The following EFHD1 variants were observed in gnomAD, a reference collection of about 807,000 sequenced individuals.
EFHD1 encodes the protein EF-hand domain-containing protein D1.
Under a neutral mutation model 17.2 loss-of-function variants are expected in EFHD1, and 10 were observed. The ratio of observed to expected loss-of-function variants is 0.58; its 90% confidence interval spans 0.36 to 0.99. The LOEUF is 0.99. Among genes scored for constraint, EFHD1 ranks in the 50% least tolerant of loss-of-function variants. The pLI is 0.01. For missense variants in EFHD1, 310 were observed against 327.5 expected, an observed-to-expected ratio of 0.95 and a Z score of 0.41; for synonymous variants, 153 against 142.0, an observed-to-expected ratio of 1.08 and a Z score of -0.55.
At chr2:232,619,891 G>A (rs929961392) in intron 1 of EFHD1, among the ~76,000 whole-genome samples, 11 of 151,892 alleles carry the variant, frequency 7.2e-5, no homozygotes, top group African/African-American at 2.7e-4. Flanking sequence ...GCAACAGGGC[G>A]AGATCCCTGA....
At chr2:232,651,693 G>A (rs760062574) in intron 1 of EFHD1, among the ~76,000 whole-genome samples, 1 of 152,160 alleles carries the variant, frequency 6.6e-6, no homozygotes, top group Non-Finnish European at 1.5e-5. Flanking sequence ...GTGGTGGCAG[G>A]GTCCTGTAGT....
intron 1 of EFHD1, among the ~76,000 whole-genome samples, chr2:232,658,382 C>G (rs938715606): frequency 9.3e-6 from 1 of 107,200 alleles, no homozygotes; most frequent in Non-Finnish European, 2.0e-5. Flanking sequence ...CTTCTCTTCC[C>G]CATAAGAGCC....
intron 1 of EFHD1, chr2:232,650,271 T>C (rs1694619081): frequency 6.6e-6 from 1 of 151,330 alleles, no homozygotes; most frequent in Admixed American, 6.6e-5. Context: ...GGGTAGTTTT[T>C]CTTTACTGTT....
Position 232,682,474 on chromosome 2 carries a change from G to A in EFHD1, c.*755G>A, listed in dbSNP as rs1417636566. ...AGTTAGGATACCAATGAGTAAAAGGGTTCCTGTTCACTCTGACTCTGTGCA... is the reference window on the plus strand; with the variant it reads ...AGTTAGGATACCAATGAGTAAAAGGATTCCTGTTCACTCTGACTCTGTGCA... On this transcript the variant is annotated 3_prime_UTR_variant, in exon 4 of 4. Coordinates refer to ENST00000264059, the MANE Select transcript of EFHD1 (RefSeq NM_025202.4). The A allele has an allele frequency of 6.6e-6, 1 of 152,228 alleles. No individual in the cohort carries two copies. The highest frequency in any genetic ancestry group is 1.5e-5 in the Non-Finnish European group (1 of 68,058). The allele number at this position is 152,228 out of a possible 1,614,324, so 9.4% of individuals were successfully genotyped here.
chr2:232,657,228 C>T (rs1694779200), intron 1 of EFHD1, among the ~76,000 whole-genome samples: 3 of 152,248 alleles, frequency 2.0e-5, no homozygotes, highest in African/African-American at 7.2e-5. Flanking sequence ...ACTCCCCATT[C>T]ACCTCCCCAG....
At chr2:232,654,507 A>C (rs1374997793) in intron 1 of EFHD1, among the ~76,000 whole-genome samples, 5 of 129,186 alleles carry the variant, frequency 3.9e-5, no homozygotes, top group African/African-American at 1.5e-4. Flanking sequence ...TGCTACCTCC[A>C]CCTTCTGGGT....
At chr2:232,627,184 T>C (rs1032735046) in intron 1 of EFHD1, among the ~76,000 whole-genome samples, 3 of 149,918 alleles carry the variant, frequency 2.0e-5, no homozygotes, top group Non-Finnish European at 3.0e-5. Flanking sequence ...TGAGCTATGA[T>C]TGTGCCATTG....
chr2:232,623,694 AGAAGAAGAAG>A (rs148562073), intron 1 of EFHD1, among the ~76,000 whole-genome samples: 3,853 of 84,160 alleles, frequency 0.046, 96 homozygotes, highest in Non-Finnish European at 0.054. Context: ...AAAAAAAAAA[AGAAGAAGAAG>A]AAGAAGAAGA....
intron 1 of EFHD1, among the ~76,000 whole-genome samples, chr2:232,637,389 G>T (rs888142923): frequency 6.7e-6 from 1 of 149,746 alleles, no homozygotes; most frequent in East Asian, 2.0e-4. Context: ...CATTGCCCAG[G>T]CTGGAGTGCA....
chr2:232,652,408 T>C (rs1694674233), intron 1 of EFHD1, among the ~76,000 whole-genome samples: 1 of 152,108 alleles, frequency 6.6e-6, no homozygotes, highest in East Asian at 1.9e-4. Flanking sequence ...AGTTCACGGG[T>C]ACATCGTTCC....
rs1695302236 is a variant in EFHD1 at position 232,682,286 on chromosome 2, AT to A, written c.*569del. On this transcript the variant is annotated 3_prime_UTR_variant, in exon 4 of 4. Coordinates refer to ENST00000264059, the MANE Select transcript of EFHD1 (RefSeq NM_025202.4). ...ACAGCATGCCACCATAGTAACACAC[AT>A]TAGAGAAAGGACAGAGGTCTGCTCC... The A allele has an allele frequency of 2.0e-5, 3 of 152,706 alleles. No homozygotes were observed. The highest frequency in any genetic ancestry group is 1.3e-4 in the Admixed American group (2 of 15,296). 9.5% of individuals were successfully genotyped at this position (152,706 alleles called of 1,614,324 possible).
intron 2 of EFHD1, among the ~76,000 whole-genome samples, chr2:232,671,138 CA>C (rs1378595746): frequency 6.6e-6 from 1 of 152,008 alleles, no homozygotes; most frequent in Non-Finnish European, 1.5e-5. Context: ...TAAACATTTC[CA>C]AAGTGCCCAT....
intron 1 of EFHD1, among the ~76,000 whole-genome samples, chr2:232,654,826 C>T (rs1484488322): frequency 1.3e-5 from 2 of 152,186 alleles, no homozygotes; most frequent in African/African-American, 2.4e-5. Context: ...TGCGCTAGCT[C>T]CGGCTTATGT....
chr2:232,631,388 C>T (rs1259633836), upstream of EFHD1, among the ~76,000 whole-genome samples: 1 of 151,890 alleles, frequency 6.6e-6, no homozygotes, highest in Non-Finnish European at 1.5e-5. Flanking sequence ...GCAGCCTCCA[C>T]CTCCCGGGCC....
upstream of EFHD1, chr2:232,633,421 G>A (rs1469190144): frequency 3.5e-5 from 41 of 1,168,512 alleles, 1 homozygote; most frequent in East Asian, 5.3e-4. Flanking sequence ...CCGGAGCCGC[G>A]GGGAGAGGAA....
chr2:232,663,597 C>G lies in EFHD1; in HGVS notation c.450+648C>G, dbSNP rs114869591. ...GACCATGCTGGTCTCAAACTCCTGG[C>G]TTCAAGTGATCCTCTGCCTTGGCCT... On this transcript the variant is annotated intron_variant, in intron 2 of 3. Transcript: ENST00000264059. 8.2e-3 allele frequency among the ~76,000 whole-genome samples: 1,247 copies of G among 152,192 alleles called. 26 individuals are homozygous for G. Among genetic ancestry groups the G allele is most frequent in the African/African-American group, 0.029 (1,213 of 41,522 alleles).
chr2:232,612,798 T>A (rs904136487), intron 1 of EFHD1, among the ~76,000 whole-genome samples: 2 of 150,968 alleles, frequency 1.3e-5, no homozygotes, highest in African/African-American at 4.9e-5. Flanking sequence ...AGTGGCGTGA[T>A]CTCGGCTCAC....
chr2:232,613,602 CCA>C (rs138706897), intron 1 of EFHD1, among the ~76,000 whole-genome samples: 2,794 of 138,288 alleles, frequency 0.02, 48 homozygotes, highest in Middle Eastern at 0.053. Flanking sequence ...CAAAGAGGAA[CCA>C]CACACACACA....
chr2:232,650,815 C>T (rs535665132), intron 1 of EFHD1, among the ~76,000 whole-genome samples: 23 of 151,698 alleles, frequency 1.5e-4, no homozygotes, highest in African/African-American at 5.1e-4. Context: ...GCAATCTGCT[C>T]GCCTCAGCCT....
Sources: gnomAD v4.1 joint callset for allele counts (sites outside exome capture counted in the v4.1 genomes callset) on GRCh38, gnomAD v4.1.1 for gene constraint, MANE v1.5 for transcripts, NCBI Gene and HGNC (gene_info 2026-07-23, HGNC 2026-07-21) for gene names.